The following HNF4G variants were observed in gnomAD, a reference collection of about 807,000 sequenced individuals.
HNF4G encodes hepatocyte nuclear factor 4 gamma.
HNF4G carries 21 observed loss-of-function variants against 50.9 expected under a neutral mutation model. That is an observed-to-expected ratio of 0.41 (90% CI 0.29 to 0.59). HNF4G has a LOEUF of 0.59. Among genes scored for constraint, HNF4G ranks in the 20% least tolerant of loss-of-function variants. The pLI, the probability that HNF4G is intolerant of heterozygous loss-of-function variation, is 0.26. For synonymous variants in HNF4G, 198 were observed against 185.6 expected, an observed-to-expected ratio of 1.07 and a Z score of -0.54; for missense variants, 527 against 559.4, an observed-to-expected ratio of 0.94 and a Z score of 0.58.
chr8:75,543,868 G>A lies in HNF4G; in HGVS notation c.176G>A (p.Cys59Tyr). ...NTTDNGVNCL[C>Y]AICGDRATGK... ...ACAGACAACGGTGTCAACTGTCTGT[G>A]TGCTATCTGTGGGGACAGAGCAACA... is the stretch of plus-strand genomic sequence containing the variant. Residue 59 changes from cysteine (C) to tyrosine (Y), a missense_variant, in exon 2 of 10, where the codon TGT (cysteine) becomes TAT (tyrosine). Transcript: ENST00000396423. 4 of 1,613,828 alleles carry A rather than the reference G, an allele frequency of 2.5e-6. No individual in the cohort carries two copies. The highest frequency in any genetic ancestry group is 3.4e-6 in the Non-Finnish European group (4 of 1,179,798).
At chr8:75,554,676 TA>T (rs1807063444) in intron 5 of HNF4G, among the ~76,000 whole-genome samples, 1 of 152,150 alleles carries the variant, frequency 6.6e-6, no homozygotes, top group Admixed American at 6.6e-5. Context: ...GCAGTAAAAA[TA>T]CAGATTTCTT....
intron 1 of HNF4G, among the ~76,000 whole-genome samples, chr8:75,415,773 G>A (rs1810618687): frequency 6.6e-6 from 1 of 151,780 alleles, no homozygotes; most frequent in African/African-American, 2.4e-5. Flanking sequence ...GTGCACGTGT[G>A]TGTGTTGGGG....
intron 1 of HNF4G, among the ~76,000 whole-genome samples, chr8:75,421,411 T>A (rs1270091151): frequency 6.6e-6 from 1 of 152,230 alleles, no homozygotes; most frequent in Non-Finnish European, 1.5e-5. Context: ...AACTTTGAAT[T>A]GGTTTTTTAG....
chr8:75,409,480 C>CTTTTTTTTTT (rs5892492), intron 1 of HNF4G, among the ~76,000 whole-genome samples: 14 of 67,340 alleles, frequency 2.1e-4, no homozygotes, highest in African/African-American at 4.2e-4. Context: ...GTGCCTTGTT[C>CTTTTTTTTTT]TTTTTTTTTT....
intron 2 of HNF4G, among the ~76,000 whole-genome samples, chr8:75,506,158 G>A (rs1258624412): frequency 6.6e-6 from 1 of 151,810 alleles, no homozygotes; most frequent in Non-Finnish European, 1.5e-5. Context: ...CAATCTTCTG[G>A]TATGTTAGAA....
intron 1 of HNF4G, among the ~76,000 whole-genome samples, chr8:75,419,822 G>A (rs1395242982): frequency 6.6e-6 from 1 of 152,256 alleles, no homozygotes; most frequent in Non-Finnish European, 1.5e-5. Context: ...ATTAGGAACA[G>A]TGGTTTATTG....
intron 1 of HNF4G, among the ~76,000 whole-genome samples, chr8:75,478,067 G>A (rs974500966): frequency 4.6e-5 from 7 of 152,188 alleles, no homozygotes; most frequent in Non-Finnish European, 7.4e-5. Context: ...ATCCCACCAC[G>A]TTGGGAGGCC....
chr8:75,515,063 GTTA>G (rs1805854844), intron 2 of HNF4G, among the ~76,000 whole-genome samples: 1 of 152,040 alleles, frequency 6.6e-6, no homozygotes, highest in South Asian at 2.1e-4. Context: ...CAGTACTCTA[GTTA>G]TTTTAGTTCA....
chr8:75,540,766 C>A (rs1200261032), intron 1 of HNF4G, among the ~76,000 whole-genome samples: 1 of 150,840 alleles, frequency 6.6e-6, no homozygotes, highest in African/African-American at 2.4e-5. Context: ...GACTTAATAC[C>A]CGGTAAAAAA....
chr8:75,557,989 A>G (rs1003928575), intron 6 of HNF4G, among the ~76,000 whole-genome samples: 2 of 152,134 alleles, frequency 1.3e-5, no homozygotes, highest in Non-Finnish European at 1.5e-5. Context: ...GTCCTGGAAG[A>G]GAAAACATAC....
chr8:75,485,836 G>C (rs1000086938), intron 1 of HNF4G: 4 of 152,082 alleles, frequency 2.6e-5, no homozygotes, highest in Non-Finnish European at 4.4e-5. Flanking sequence ...AATGAGCAAG[G>C]ACCCTGAAAA....
chr8:75,549,255 T>G (rs1011024426), intron 3 of HNF4G, among the ~76,000 whole-genome samples: 4 of 152,322 alleles, frequency 2.6e-5, no homozygotes, highest in African/African-American at 7.2e-5. Context: ...GTAGCAAGAT[T>G]AATTAGATGG....
At chr8:75,445,760 A>G (rs1270078596) in intron 1 of HNF4G, among the ~76,000 whole-genome samples, 4 of 145,272 alleles carry the variant, frequency 2.8e-5, no homozygotes, top group Non-Finnish European at 6.0e-5. Flanking sequence ...TAGACCAATA[A>G]CAGGAGCTGA....
At chr8:75,481,438 A>C (rs193140400) in intron 1 of HNF4G, among the ~76,000 whole-genome samples, 2 of 152,292 alleles carry the variant, frequency 1.3e-5, no homozygotes, top group East Asian at 3.9e-4. Flanking sequence ...GATGAATTGA[A>C]TTATCAGCCA....
intron 2 of HNF4G, among the ~76,000 whole-genome samples, chr8:75,503,353 A>T (rs1812981241): frequency 1.1e-5 from 1 of 87,454 alleles, no homozygotes; most frequent in South Asian, 4.3e-4. Context: ...ATGTAAAGTA[A>T]CACAGAGATG....
chr8:75,488,148 C>A (rs767878923), intron 1 of HNF4G, among the ~76,000 whole-genome samples: 1 of 152,100 alleles, frequency 6.6e-6, no homozygotes, highest in African/African-American at 2.4e-5. Flanking sequence ...GGGTAGGAAC[C>A]ATGCTTTATA....
intron 1 of HNF4G, among the ~76,000 whole-genome samples, chr8:75,447,549 T>C (rs1284556826): frequency 4.0e-5 from 6 of 148,192 alleles, no homozygotes; most frequent in Non-Finnish European, 9.0e-5. Context: ...AAAGGGCTAA[T>C]ATCCAGAATC....
In HNF4G at chr8:75,471,415, T is replaced by C. The variant is rs532746862; in HGVS notation, c.-143-18674T>C. Among the ~76,000 whole-genome samples the C allele has an allele frequency of 2.0e-5, 3 of 152,260 alleles. No individual in the cohort carries two copies. The East Asian group carries it at 5.8e-4, about 29-fold the overall frequency. ...TTTGCAATCACCACCTGGAATTTTA[T>C]AAAAATATAAAATGTCATCTTCAAT... On this transcript the variant is annotated intron_variant, in intron 1 of 10. Coordinates refer to the HNF4G transcript ENST00000354370.
At chr8:75,441,407 G>A (rs763706271) in intron 1 of HNF4G, among the ~76,000 whole-genome samples, 4 of 151,822 alleles carry the variant, frequency 2.6e-5, no homozygotes, top group East Asian at 3.9e-4. Flanking sequence ...CACCACACCC[G>A]GCTAATATTT....
Sources: gnomAD v4.1 joint callset for allele counts (sites outside exome capture counted in the v4.1 genomes callset) on GRCh38, gnomAD v4.1.1 for gene constraint, MANE v1.5 for transcripts, NCBI Gene and HGNC (gene_info 2026-07-23, HGNC 2026-07-21) for gene names.